CNBD2: variants seen among roughly 807,000 people sequenced by gnomAD.
CNBD2 encodes cyclic nucleotide binding domain containing 2.
Under a neutral mutation model 63.7 loss-of-function variants are expected in CNBD2, and 64 were observed. The observed-to-expected ratio is 1.00, with a 90% CI of 0.82 to 1.24. The LOEUF (loss-of-function observed/expected upper bound fraction) is 1.24, where lower values mean the gene tolerates loss of function less well. Ranked by LOEUF, CNBD2 falls within the 50% of genes most tolerant of loss-of-function variation. The pLI, the probability that CNBD2 is intolerant of heterozygous loss-of-function variation, is 0.00. For missense variants in CNBD2, 691 were observed against 713.5 expected (o/e 0.97, Z 0.36); for synonymous variants, 229 against 255.4 (o/e 0.90, Z 0.99).
intron 10 of CNBD2, among the ~76,000 whole-genome samples, chr20:36,015,093 T>A (rs1253611256): frequency 6.6e-6 from 1 of 152,224 alleles, no homozygotes; most frequent in African/African-American, 2.4e-5. Flanking sequence ...GGATTTTCAA[T>A]TTGTATTTCC....
At chr20:36,007,791 G>A (rs2057004861) in intron 8 of CNBD2, among the ~76,000 whole-genome samples, 1 of 152,074 alleles carries the variant, frequency 6.6e-6, no homozygotes, top group Non-Finnish European at 1.5e-5. Context: ...CAAAGTGCTG[G>A]GATTACAAAT....
At chr20:36,001,568 CT>C (rs1299292190) in intron 8 of CNBD2, among the ~76,000 whole-genome samples, 1 of 148,910 alleles carries the variant, frequency 6.7e-6, no homozygotes, top group African/African-American at 2.5e-5. Flanking sequence ...GACGGGGTGG[CT>C]GCCGGGCGGA....
intron 11 of CNBD2, among the ~76,000 whole-genome samples, chr20:36,023,979 T>A (rs1568932187): frequency 6.6e-6 from 1 of 152,214 alleles, no homozygotes; most frequent in African/African-American, 2.4e-5. Context: ...TCCCAACACT[T>A]TGAGACAGAG....
intron 8 of CNBD2, among the ~76,000 whole-genome samples, chr20:36,005,958 A>AAAAAAC (rs1254900738): frequency 3.3e-4 from 50 of 152,228 alleles, no homozygotes; most frequent in African/African-American, 1.2e-3. Context: ...CTCAAAAACA[A>AAAAAAC]AAAAACAAAA....
At chr20:35,987,297 A>G in intron 6 of CNBD2, 98 bp from the exon 7 acceptor site, 2 of 1,374,098 alleles carry the variant, frequency 1.5e-6, no homozygotes, top group South Asian at 1.2e-5. Flanking sequence ...CCACCCAGGC[A>G]TCCTCCACAG....
intron 8 of CNBD2, among the ~76,000 whole-genome samples, chr20:36,000,008 AAAT>A (rs2056874975): frequency 6.6e-6 from 1 of 152,174 alleles, no homozygotes; most frequent in South Asian, 2.1e-4. Flanking sequence ...TATATTTAAA[AAAT>A]AATAAGAAAA....
intron 2 of CNBD2, chr20:35,974,975 C>G (rs1601020050): frequency 1.3e-5 from 2 of 151,928 alleles, no homozygotes; most frequent in East Asian, 1.9e-4. Context: ...TCATTTGTTC[C>G]TTTCTTTTTT....
chr20:35,986,825 G>T (rs976766908), intron 6 of CNBD2, among the ~76,000 whole-genome samples: 1 of 152,224 alleles, frequency 6.6e-6, no homozygotes, highest in Non-Finnish European at 1.5e-5. Flanking sequence ...GGTGTTCAAG[G>T]TCAGGGGAAG....
At chr20:35,992,063 T>A (rs2056753782) in intron 7 of CNBD2, among the ~76,000 whole-genome samples, 1 of 152,152 alleles carries the variant, frequency 6.6e-6, no homozygotes, top group African/African-American at 2.4e-5. Context: ...GTATTTTTAG[T>A]AGAGATGGGA....
At chr20:36,003,664 T>C (rs573423383) in intron 8 of CNBD2, among the ~76,000 whole-genome samples, 1 of 152,288 alleles carries the variant, frequency 6.6e-6, no homozygotes, top group South Asian at 2.1e-4. Flanking sequence ...GGTAGTATAC[T>C]ATGTAACAAA....
At chr20:35,972,225 T>C (rs1341337377) in intron 1 of CNBD2, among the ~76,000 whole-genome samples, 1 of 152,192 alleles carries the variant, frequency 6.6e-6, no homozygotes, top group Non-Finnish European at 1.5e-5. Context: ...GCATTCCTCT[T>C]ACCATTATTC....
chr20:36,020,168 C>T (rs2057188466), intron 10 of CNBD2, among the ~76,000 whole-genome samples: 1 of 152,052 alleles, frequency 6.6e-6, no homozygotes, highest in Non-Finnish European at 1.5e-5. Context: ...CTGCAAGCTC[C>T]GCCTCCCGAG....
chr20:35,954,919 G>T (rs966429052), exon 1 of CNBD2: 1 of 247,770 alleles, frequency 4.0e-6, no homozygotes, highest in Non-Finnish European at 8.8e-6. Context: ...CATTCTCTCG[G>T]GAGGGGCCCA....
intron 8 of CNBD2, among the ~76,000 whole-genome samples, chr20:35,998,015 T>C (rs566993996): frequency 6.6e-6 from 1 of 152,116 alleles, no homozygotes; most frequent in South Asian, 2.1e-4. Flanking sequence ...CCTATCTTTC[T>C]GTTACTGATT....
At chr20:36,021,831 TTC>T (rs1357629509) in intron 10 of CNBD2, among the ~76,000 whole-genome samples, 2 of 152,088 alleles carry the variant, frequency 1.3e-5, no homozygotes, top group Non-Finnish European at 2.9e-5. Context: ...TCCATCTCCC[TTC>T]CAGATAGAAC....
rs2056684451 is a variant in CNBD2 at position 35,987,491 on chromosome 20, A to G, written c.813A>G (p.Ser271=). The G allele has an allele frequency of 1.2e-6, 2 of 1,614,172 alleles. No homozygotes were observed. The highest frequency in any genetic ancestry group is 8.5e-7 in the Non-Finnish European group (1 of 1,179,988). ...GGTTCTCGTATGGGCAGCTGATCTC[A>G]AAAGATTTTGGAGAGTCACCCTTCA... ...IERFSYGQLI[S]KDFGESPFIM... is the part of the protein sequence containing the mutation. Residue 271 remains serine (S), a synonymous_variant, in exon 7 of 12, where the codon TCA becomes TCG. Coordinates refer to ENST00000373973, the MANE Select transcript of CNBD2 (RefSeq NM_001365709.1).
chr20:35,995,247 G>T, intron 8 of CNBD2, 95 bp downstream of exon 8: 1 of 800,260 alleles, frequency 1.2e-6, no homozygotes. Context: ...TAGTCAGCCA[G>T]CCTGACAGCG....
At chr20:35,966,351 A>C (rs991091518), upstream of CNBD2, among the ~76,000 whole-genome samples, 9 of 152,096 alleles carry the variant, frequency 5.9e-5, no homozygotes, top group Admixed American at 3.9e-4. Context: ...TCAGCTGTCC[A>C]GCCATCTTTG....
chr20:35,968,223 G>A (rs541716787), upstream of CNBD2, among the ~76,000 whole-genome samples: 195 of 152,290 alleles, frequency 1.3e-3, no homozygotes, highest in Non-Finnish European at 2.1e-3. Flanking sequence ...TGGGTTTTTA[G>A]AGTTTTCTAG....
Sources: allele counts gnomAD v4.1 joint callset (sites outside exome capture counted in the v4.1 genomes callset), GRCh38; gene constraint gnomAD v4.1.1; transcripts MANE v1.5; gene names NCBI Gene and HGNC (gene_info 2026-07-23, HGNC 2026-07-21).